Variants in TMEM150C observed in about 807,000 individuals in gnomAD.
The protein encoded by TMEM150C is tentonin 3.
A neutral mutation model predicts 29.9 loss-of-function variants in TMEM150C; 10 were observed. The observed-to-expected ratio is 0.33, with a 90% confidence interval of 0.21 to 0.57. The LOEUF (loss-of-function observed/expected upper bound fraction) is 0.57, where lower values mean the gene tolerates loss of function less well. Among genes scored for constraint, TMEM150C ranks in the 20% least tolerant of loss-of-function variants. The pLI, the probability that TMEM150C is intolerant of heterozygous loss-of-function variation, is 0.88. For synonymous variants in TMEM150C, 101 were observed against 112.5 expected (o/e 0.90, Z 0.64); for missense variants, 251 against 303.6 (o/e 0.83, Z 1.29).
chr4:82,547,468 A>G (rs1478151240), intron 1 of TMEM150C, among the ~76,000 whole-genome samples: 1 of 152,164 alleles, frequency 6.6e-6, no homozygotes, highest in East Asian at 1.9e-4. Flanking sequence ...ACACGCCTGT[A>G]GTCCCAGCTA....
chr4:82,544,843 G>A (rs1459070069), intron 1 of TMEM150C, among the ~76,000 whole-genome samples: 1 of 150,842 alleles, frequency 6.6e-6, no homozygotes, highest in African/African-American at 2.5e-5. Flanking sequence ...TGAAACTCTG[G>A]ACAGACCAAT....
intron 5 of TMEM150C, among the ~76,000 whole-genome samples, chr4:82,497,045 T>G (rs17353295): frequency 0.088 from 13,335 of 152,226 alleles, 703 homozygotes; most frequent in African/African-American, 0.13. Flanking sequence ...TTGAAGCAAA[T>G]TGGTATCTGA....
intron 1 of TMEM150C, among the ~76,000 whole-genome samples, chr4:82,544,713 A>G (rs1725303468): frequency 6.7e-6 from 1 of 149,336 alleles, no homozygotes; most frequent in Non-Finnish European, 1.5e-5. Flanking sequence ...AGGCAGGTAG[A>G]GGCTGCAGTG....
rs1052143247 is a variant in TMEM150C at position 82,504,729 on chromosome 4, T to C, written c.-10-62A>G. 1.1e-4 allele frequency: 151 copies of C among 1,424,886 alleles called. 2 individuals are homozygous for C. The Middle Eastern group carries it at 1.4e-3, about 13-fold the overall frequency. The allele number at this position is 1,424,886 out of a possible 1,614,324, so 88.3% of individuals were successfully genotyped here. A position where few individuals can be genotyped will look rare whatever the true frequency, so the allele number is the denominator to read the frequency against. On this transcript the variant is annotated intron_variant, in intron 1 of 7. Transcript: ENST00000449862. ...AAACATTTACTTCACTCTTTCAAGATAGAAAGTTTAGTCTAACTGGGCCAA... is the reference window on the plus strand; with the variant it reads ...AAACATTTACTTCACTCTTTCAAGACAGAAAGTTTAGTCTAACTGGGCCAA...
chr4:82,530,371 C>CA (rs1369306417), intron 1 of TMEM150C, among the ~76,000 whole-genome samples: 1 of 152,024 alleles, frequency 6.6e-6, no homozygotes, highest in Non-Finnish European at 1.5e-5. Context: ...TCCTGGCTAA[C>CA]ACAGTGAAAC....
At chr4:82,562,253 G>A (rs1456798366), upstream of TMEM150C, 1 of 1,282,262 alleles carries the variant, frequency 7.8e-7, no homozygotes, top group Non-Finnish European at 1.0e-6. Context: ...CCAACAAAAG[G>A]AAGGACAGAA....
At chr4:82,517,417 T>C (rs1178733415) in intron 1 of TMEM150C, among the ~76,000 whole-genome samples, 3 of 152,176 alleles carry the variant, frequency 2.0e-5, no homozygotes, top group Non-Finnish European at 4.4e-5. Context: ...GATGTTTCTG[T>C]AAGAAATCAG....
intron 1 of TMEM150C, among the ~76,000 whole-genome samples, chr4:82,507,689 G>A (rs1723970121): frequency 7.2e-6 from 1 of 138,492 alleles, no homozygotes; most frequent in African/African-American, 2.6e-5. Flanking sequence ...TTTTGCAAAG[G>A]ATAAACAATA....
chr4:82,491,760 C>T, intron 6 of TMEM150C: 1 of 334,010 alleles, frequency 3.0e-6, no homozygotes, highest in East Asian at 5.4e-5. Flanking sequence ...CCTCGGCCTC[C>T]CAAAGTGCTG....
At chr4:82,561,782 C>A (rs1725943566) in intron 1 of TMEM150C, 124 bp downstream of exon 1, 1 of 725,260 alleles carries the variant, frequency 1.4e-6, no homozygotes, top group African/African-American at 1.9e-5. Flanking sequence ...GCGGACCCAG[C>A]CGCCCCAGCC....
Position 82,490,103 on chromosome 4 carries a change from G to A in TMEM150C, c.499C>T (p.Arg167Trp), listed in dbSNP as rs1337175136. 23 of 1,613,870 alleles carry A rather than the reference G, an allele frequency of 1.4e-5. No homozygotes were observed. The highest frequency in any genetic ancestry group is 2.7e-5 in the African/African-American group (2 of 74,924). ...GTGATAGATGCCGACAGAATAACCC[G>A]TGGAATTCCAACTCTCCGTCCTTCA... Reference protein sequence around the residue: ...KNEGRRVGIPRVILSASITLC... With the variant: ...KNEGRRVGIPWVILSASITLC... The change falls in exon 7 of 8, where the codon CGG becomes TGG. Residue 167 changes from arginine to tryptophan, a missense_variant. Transcript: ENST00000449862.
At chr4:82,523,409 C>T (rs908960497) in intron 1 of TMEM150C, among the ~76,000 whole-genome samples, 9 of 152,172 alleles carry the variant, frequency 5.9e-5, no homozygotes, top group African/African-American at 2.2e-4. Context: ...TCATCCCAGC[C>T]TTTTAATATG....
intron 7 of TMEM150C, among the ~76,000 whole-genome samples, chr4:82,488,553 C>T (rs1723233036): frequency 6.6e-6 from 1 of 152,094 alleles, no homozygotes; most frequent in South Asian, 2.1e-4. Flanking sequence ...ACCTTGATTC[C>T]TTTCTCTGGT....
At chr4:82,490,881 G>C in intron 6 of TMEM150C, 1 of 702,686 alleles carries the variant, frequency 1.4e-6, no homozygotes, top group South Asian at 1.4e-5. Flanking sequence ...AGCAATGTGA[G>C]CCACAGACTT....
intron 1 of TMEM150C, among the ~76,000 whole-genome samples, chr4:82,517,740 G>A (rs1724338072): frequency 6.6e-6 from 1 of 152,084 alleles, no homozygotes; most frequent in Non-Finnish European, 1.5e-5. Flanking sequence ...GCTTTACAGG[G>A]TCTCCATCTT....
At chr4:82,489,402 A>G (rs547196061) in intron 7 of TMEM150C, among the ~76,000 whole-genome samples, 1 of 151,974 alleles carries the variant, frequency 6.6e-6, no homozygotes, top group South Asian at 2.1e-4. Context: ...CCAAGGTGTG[A>G]GAGAGGAGAC....
At chr4:82,503,239 A>G in intron 2 of TMEM150C, 127 bp from the exon 3 acceptor site, 1 of 694,144 alleles carries the variant, frequency 1.4e-6, no homozygotes, top group Non-Finnish European at 2.4e-6. Flanking sequence ...CTCTTTTACA[A>G]TTCTTTACCC....
intron 6 of TMEM150C, chr4:82,491,197 CAG>C: frequency 1.4e-6 from 1 of 696,256 alleles, no homozygotes; most frequent in Non-Finnish European, 2.6e-6. Context: ...AAGGTGGTGA[CAG>C]TGTTAACTCC....
At chr4:82,510,976 T>C (rs570387945) in intron 1 of TMEM150C, among the ~76,000 whole-genome samples, 1 of 152,364 alleles carries the variant, frequency 6.6e-6, no homozygotes, top group South Asian at 2.1e-4. Flanking sequence ...ACTGTTTATT[T>C]TGTTTTTCCC....
Sources: allele counts gnomAD v4.1 joint callset (sites outside exome capture counted in the v4.1 genomes callset), GRCh38; gene constraint gnomAD v4.1.1; transcripts MANE v1.5; gene names NCBI Gene and HGNC (gene_info 2026-07-23, HGNC 2026-07-21).